Variants in PLXDC2 observed in about 807,000 individuals in gnomAD.
PLXDC2 encodes the protein plexin domain-containing protein 2.
Under a neutral mutation model 68.9 loss-of-function variants are expected in PLXDC2, and 40 were observed. That is an observed-to-expected ratio of 0.58 (90% CI 0.45 to 0.76). The LOEUF (loss-of-function observed/expected upper bound fraction) is 0.76, where lower values mean the gene tolerates loss of function less well. Ranked by LOEUF, PLXDC2 falls within the 30% of genes least tolerant of loss-of-function variation. The probability of loss-of-function intolerance (pLI) is 0.00; values close to 1 mark genes in which losing one functional copy is unlikely to be tolerated. For synonymous variants in PLXDC2, 243 were observed against 234.2 expected, an observed-to-expected ratio of 1.04 and a Z score of -0.34; for missense variants, 644 against 661.9, an observed-to-expected ratio of 0.97 and a Z score of 0.30.
chr10:20,222,555 T>C (rs956497715), intron 12 of PLXDC2, among the ~76,000 whole-genome samples: 6 of 152,210 alleles, frequency 3.9e-5, no homozygotes, highest in Non-Finnish European at 8.8e-5. Context: ...TGAGTGGAAA[T>C]TCTAAGCTCT....
In PLXDC2 at chr10:20,214,791, T is replaced by C. The variant is rs190873897; in HGVS notation, c.1123-2635T>C. Among the ~76,000 whole-genome samples the C allele has an allele frequency of 1.3e-3, 205 of 152,306 alleles. 1 individual carries two copies. The highest frequency in any genetic ancestry group is 4.6e-3 in the African/African-American group (193 of 41,576). ...GATTTTACCTTAAACGTAGGGTGTT[T>C]ACTGAACATTATTAGATCCTGTTTA... is the stretch of plus-strand genomic sequence containing the variant. On this transcript the variant is annotated intron_variant, in intron 10 of 13. Coordinates refer to ENST00000377252, the MANE Select transcript of PLXDC2 (RefSeq NM_032812.9).
At chr10:19,850,440 G>A (rs546751027) in intron 1 of PLXDC2, among the ~76,000 whole-genome samples, 3 of 151,966 alleles carry the variant, frequency 2.0e-5, no homozygotes, top group African/African-American at 4.8e-5. Context: ...GTTTATAGAC[G>A]ATGTTCTTAA....
Position 20,143,318 on chromosome 10 carries a change from G to A in PLXDC2, c.565G>A (p.Val189Ile), listed in dbSNP as rs143596695. Residue 189 changes from valine to isoleucine, a missense_variant, in exon 5 of 14, where the codon GTA becomes ATA. By Grantham distance (29) the Val-to-Ile change is conservative. Around this residue, in one of 3 missense-constraint regions of PLXDC2, gnomAD observed 113 missense variants for 167.1 expected, o/e 0.68. Transcript: ENST00000377252. ...AGGTTTCATATACACTGGAGAAGTCGTACATCGAATGCTAACAGCCACACA... is the reference window on the plus strand; with the variant it reads ...AGGTTTCATATACACTGGAGAAGTCATACATCGAATGCTAACAGCCACACA... ...TGGFIYTGEV[V>I]HRMLTATQYI... 274 of 1,612,608 alleles carry A rather than the reference G, an allele frequency of 1.7e-4. 1 individual carries two copies. In the African/African-American group the frequency reaches 2.8e-3, roughly 16 times the overall value.
intron 9 of PLXDC2, among the ~76,000 whole-genome samples, chr10:20,177,856 C>T (rs766931427): frequency 9.2e-5 from 14 of 151,764 alleles, no homozygotes; most frequent in Non-Finnish European, 1.6e-4. Flanking sequence ...GATCAAAATG[C>T]AAAACAAAAC....
At chr10:20,169,532 G>A (rs961424135) in intron 7 of PLXDC2, among the ~76,000 whole-genome samples, 6 of 152,050 alleles carry the variant, frequency 3.9e-5, no homozygotes, top group Admixed American at 1.3e-4. Context: ...CTGGATACAC[G>A]CACGATTCTC....
intron 4 of PLXDC2, among the ~76,000 whole-genome samples, chr10:20,081,184 C>T (rs998061636): frequency 2.0e-4 from 31 of 152,094 alleles, no homozygotes; most frequent in African/African-American, 7.2e-4. Context: ...GGAGCAAGCC[C>T]CTTGAGTCTC....
chr10:20,076,372 T>C (rs1388717928), intron 4 of PLXDC2, among the ~76,000 whole-genome samples: 2 of 152,228 alleles, frequency 1.3e-5, no homozygotes, highest in Admixed American at 6.5e-5. Context: ...CAATCGTAAC[T>C]GTATGATCTT....
chr10:20,107,448 T>C (rs1336647644), intron 4 of PLXDC2, among the ~76,000 whole-genome samples: 4 of 152,182 alleles, frequency 2.6e-5, no homozygotes, highest in Non-Finnish European at 5.9e-5. Flanking sequence ...AATTGGAGAA[T>C]TGAAATAGCT....
chr10:19,969,392 A>G (rs1007742694), intron 1 of PLXDC2, among the ~76,000 whole-genome samples: 2 of 152,254 alleles, frequency 1.3e-5, no homozygotes, highest in Non-Finnish European at 2.9e-5. Context: ...CCTTTCTGAC[A>G]TGATATTCCA....
At chr10:20,213,896 T>G (rs1025790936) in intron 10 of PLXDC2, among the ~76,000 whole-genome samples, 1 of 152,134 alleles carries the variant, frequency 6.6e-6, no homozygotes, top group Non-Finnish European at 1.5e-5. Flanking sequence ...GCTTGCCATT[T>G]TCATCTTTTC....
chr10:20,254,790 A>G (rs1273780170), intron 13 of PLXDC2, among the ~76,000 whole-genome samples: 4 of 152,142 alleles, frequency 2.6e-5, no homozygotes, highest in Admixed American at 1.3e-4. Context: ...GAGACACTCT[A>G]TGTATGTCAG....
At chr10:19,885,084 T>C (rs77266997) in intron 1 of PLXDC2, among the ~76,000 whole-genome samples, 49,702 of 151,922 alleles carry the variant, frequency 0.33, 8,243 homozygotes, top group East Asian at 0.4. Context: ...GGTTTTGATT[T>C]GCATTTCTCT....
intron 4 of PLXDC2, among the ~76,000 whole-genome samples, chr10:20,071,658 A>G (rs907603535): frequency 6.6e-6 from 1 of 152,150 alleles, no homozygotes; most frequent in Admixed American, 6.5e-5. Context: ...TCCTTTATAA[A>G]TTACCCAGTC....
chr10:20,059,277 C>T (rs1232603976), intron 3 of PLXDC2, among the ~76,000 whole-genome samples: 4 of 152,152 alleles, frequency 2.6e-5, no homozygotes, highest in South Asian at 2.1e-4. Context: ...AACAGCTGGA[C>T]TCTCTGAATT....
At chr10:20,127,363 A>G (rs1039181646) in intron 4 of PLXDC2, among the ~76,000 whole-genome samples, 3 of 152,208 alleles carry the variant, frequency 2.0e-5, no homozygotes, top group African/African-American at 7.2e-5. Flanking sequence ...GAAAACAAAA[A>G]CATTTCTGGA....
At chr10:19,852,661 G>A (rs1165980443) in intron 1 of PLXDC2, among the ~76,000 whole-genome samples, 3 of 152,000 alleles carry the variant, frequency 2.0e-5, no homozygotes, top group Non-Finnish European at 4.4e-5. Context: ...GCAAATGATG[G>A]ATAATCACAT....
At chr10:20,266,978 A>T (rs1588552541) in intron 13 of PLXDC2, among the ~76,000 whole-genome samples, 1 of 152,332 alleles carries the variant, frequency 6.6e-6, no homozygotes, top group East Asian at 1.9e-4. Flanking sequence ...TTAAGGAAAC[A>T]TCAAACGAAG....
At chr10:20,153,436 T>G (rs1834176671) in intron 6 of PLXDC2, among the ~76,000 whole-genome samples, 1 of 152,218 alleles carries the variant, frequency 6.6e-6, no homozygotes, top group Non-Finnish European at 1.5e-5. Flanking sequence ...TGGGATTTTG[T>G]CTTTTCAAGA....
At chr10:20,061,489 T>G (rs1336481347) in intron 3 of PLXDC2, among the ~76,000 whole-genome samples, 4 of 152,170 alleles carry the variant, frequency 2.6e-5, no homozygotes, top group Non-Finnish European at 5.9e-5. Context: ...GTCTCATTAG[T>G]GGTGAGGTTA....
Sources: gnomAD v4.1 joint callset for allele counts (sites outside exome capture counted in the v4.1 genomes callset) on GRCh38, gnomAD v4.1.1 for gene constraint, gnomAD v4.1.1 regional missense constraint, MANE v1.5 for transcripts, NCBI Gene and HGNC (gene_info 2026-07-23, HGNC 2026-07-21) for gene names.